Variants in AKAP11 observed in about 807,000 individuals in gnomAD.
AKAP11 encodes A-kinase anchoring protein 11, also known as A-kinase anchor protein 11.
Under a neutral mutation model 146.1 loss-of-function variants are expected in AKAP11, and 36 were observed. The observed-to-expected ratio is 0.25, with a 90% CI of 0.19 to 0.33. The LOEUF (loss-of-function observed/expected upper bound fraction) is 0.33, where lower values mean the gene tolerates loss of function less well. Among genes scored for constraint, AKAP11 ranks in the 10% least tolerant of loss-of-function variants. AKAP11 has a pLI of 1.00. For missense variants in AKAP11, 2,201 were observed against 2,197.0 expected, an observed-to-expected ratio of 1.00 and a Z score of -0.04; for synonymous variants, 780 against 786.5, an observed-to-expected ratio of 0.99 and a Z score of 0.14.
At chr13:42,289,437 A>G (rs1484395669) in intron 3 of AKAP11, among the ~76,000 whole-genome samples, 4 of 152,152 alleles carry the variant, frequency 2.6e-5, no homozygotes, top group African/African-American at 9.7e-5. Context: ...TTGCAGTTCT[A>G]TATTTTATAA....
rs1357860813 is a variant in AKAP11 at position 42,322,665 on chromosome 13, A to AT, written c.*3443dup. The AT allele has an allele frequency of 6.6e-6, 1 of 152,424 alleles. No individual in the cohort carries two copies. The highest frequency in any genetic ancestry group is 2.4e-5 in the African/African-American group (1 of 41,562). 9.4% of individuals were successfully genotyped at this position (152,424 alleles called of 1,614,324 possible). A position where few individuals can be genotyped will look rare whatever the true frequency, so the allele number is the denominator to read the frequency against. On this transcript the variant is annotated 3_prime_UTR_variant, in exon 13 of 13. Transcript: ENST00000025301. ...GAAAAATTATACTAAAGTGAGATGC[A>AT]TTTTTTCTCATTTTCAGCAAGACTC...
intron 6 of AKAP11, among the ~76,000 whole-genome samples, chr13:42,297,810 G>T (rs1029354356): frequency 6.6e-6 from 1 of 151,930 alleles, no homozygotes; most frequent in Non-Finnish European, 1.5e-5. Flanking sequence ...TAAAAAAACT[G>T]CTATGTTGTT....
intron 12 of AKAP11, among the ~76,000 whole-genome samples, chr13:42,318,621 G>A (rs950500429): frequency 2.6e-5 from 4 of 152,146 alleles, no homozygotes; most frequent in Admixed American, 2.6e-4. Context: ...AACTTAGAAA[G>A]CCATGTTTCC....
At chr13:42,273,563 T>C (rs1002337566) in intron 1 of AKAP11, among the ~76,000 whole-genome samples, 4 of 152,104 alleles carry the variant, frequency 2.6e-5, no homozygotes, top group Non-Finnish European at 5.9e-5. Flanking sequence ...TAGAGACTAA[T>C]GTATGTACCC....
At chr13:42,304,838 C>A (rs1960169038) in intron 8 of AKAP11, among the ~76,000 whole-genome samples, 1 of 151,782 alleles carries the variant, frequency 6.6e-6, no homozygotes, top group Non-Finnish European at 1.5e-5. Flanking sequence ...GCAACCTTTG[C>A]CTCCCGGGTT....
chr13:42,292,498 T>A lies in AKAP11; in HGVS notation c.165T>A (p.Thr55=), dbSNP rs1476223982. ...AGCAGGATGAGCATGCCAATTTAACTGAGGTTTAACATACTACTTTCTAAA... is the reference window on the plus strand; with the variant it reads ...AGCAGGATGAGCATGCCAATTTAACAGAGGTTTAACATACTACTTTCTAAA... ...CLQQDEHANL[T]EVTFLGFNEE... The change falls in exon 4 of 13, where the codon ACT becomes ACA. Residue 55 remains threonine (T), a synonymous_variant. Transcript: ENST00000025301. 1 of 1,560,338 alleles carries A rather than the reference T, an allele frequency of 6.4e-7. No homozygotes were observed. The highest frequency in any genetic ancestry group is 1.3e-5 in the African/African-American group (1 of 74,472).
chr13:42,283,018 C>T (rs1959095959), intron 1 of AKAP11, among the ~76,000 whole-genome samples: 1 of 152,128 alleles, frequency 6.6e-6, no homozygotes, highest in Non-Finnish European at 1.5e-5. Context: ...ACGATGTGCT[C>T]TCTAATTATA....
intron 1 of AKAP11, among the ~76,000 whole-genome samples, chr13:42,276,720 TGTTA>T (rs1248032528): frequency 1.2e-4 from 19 of 152,228 alleles, no homozygotes; most frequent in Admixed American, 3.9e-4. Context: ...TAATATACCC[TGTTA>T]GTTAATAGGT....
At chr13:42,295,929 A>C (rs148329211) in intron 5 of AKAP11, among the ~76,000 whole-genome samples, 187 bp downstream of exon 5, 81 of 152,332 alleles carry the variant, frequency 5.3e-4, no homozygotes, top group African/African-American at 1.9e-3. Context: ...TGACCTTAAC[A>C]GTAAAAATTC....
intron 1 of AKAP11, among the ~76,000 whole-genome samples, chr13:42,283,748 G>A (rs1214938515): frequency 1.3e-5 from 2 of 152,210 alleles, no homozygotes; most frequent in Admixed American, 1.3e-4. Flanking sequence ...CAGCTGCAAA[G>A]GTAATTGTTG....
At chr13:42,281,995 T>G (rs1019002260) in intron 1 of AKAP11, among the ~76,000 whole-genome samples, 1 of 151,430 alleles carries the variant, frequency 6.6e-6, no homozygotes, top group Non-Finnish European at 1.5e-5. Context: ...TTTTTTTTTT[T>G]TGAGACTCTG....
chr13:42,312,781 A>T (rs757409601), intron 9 of AKAP11, among the ~76,000 whole-genome samples: 1 of 152,206 alleles, frequency 6.6e-6, no homozygotes, highest in Admixed American at 6.5e-5. Context: ...TTGCTGTCCT[A>T]AAAGTCATTC....
rs1393923006 is a variant in AKAP11, at chr13:42,321,495, T to C, written c.*2267T>C. ...CAGTGCAGGGGCATAGAATAAAATA[T>C]TAAATATTGGCAGATGTATGAAAAG... On this transcript the variant is annotated 3_prime_UTR_variant, in exon 13 of 13. Transcript: ENST00000025301. 6.6e-6 allele frequency: 1 copy of C among 152,292 alleles called. No individual in the cohort carries two copies. The highest frequency in any genetic ancestry group is 1.5e-5 in the Non-Finnish European group (1 of 68,018). The allele number at this position is 152,292 out of a possible 1,614,324, so 9.4% of individuals were successfully genotyped here. A position where few individuals can be genotyped will look rare whatever the true frequency, so the allele number is the denominator to read the frequency against.
chr13:42,297,490 A>C (rs1959585940), intron 6 of AKAP11, among the ~76,000 whole-genome samples: 1 of 151,922 alleles, frequency 6.6e-6, no homozygotes, highest in Admixed American at 6.6e-5. Context: ...CCTTTGTATA[A>C]GCTACAGTGA....
In AKAP11 at chr13:42,303,626, A is replaced by C; in HGVS notation, c.4880A>C (p.Tyr1627Ser). Residue 1627 changes from tyrosine (Y) to serine (S), a missense_variant, in exon 8 of 13, where the codon TAT becomes TCT. By Grantham distance (144) the Tyr-to-Ser change is moderately radical (BLOSUM62 -2). Transcript: ENST00000025301. The part of the protein sequence containing the change: ...PASNPKFSSR[Y>S]QKSRIFHLSV... The stretch of plus-strand genomic sequence containing the variant: ...TCTAATCCAAAATTTAGCAGCCGCT[A>C]TCAGAAATCTAGGATTTTTCATCTC... The C allele has an allele frequency of 6.2e-7, 1 of 1,614,222 alleles. No homozygotes were observed. Among genetic ancestry groups the C allele is most frequent in the Non-Finnish European group, 8.5e-7 (1 of 1,180,028 alleles).
Position 42,301,600 on chromosome 13 carries a change from G to A in AKAP11, c.2854G>A (p.Asp952Asn). Residue 952 changes from aspartate to asparagine, a missense_variant, in exon 8 of 13, where the codon GAT (aspartate) becomes AAT (asparagine). By Grantham distance (23) the Asp-to-Asn change is conservative. This residue lies in a region of AKAP11 where 1,867 missense variants were observed against 1,833.5 expected (regional missense o/e 1.02). Transcript: ENST00000025301. ...TAAATCTATTATTAAACATTCCATA[G>A]ATAAGAGCAAATCAGTGATCCCAAA... is the stretch of plus-strand genomic sequence containing the variant. ...LSKSIIKHSI[D>N]KSKSVIPNID... 6.2e-7 allele frequency: 1 copy of A among 1,614,088 alleles called. No homozygotes were observed. The highest frequency in any genetic ancestry group is 1.7e-4 in the Middle Eastern group (1 of 6,060).
At chr13:42,293,184 C>T (rs147806469) in intron 4 of AKAP11, among the ~76,000 whole-genome samples, 5 of 152,222 alleles carry the variant, frequency 3.3e-5, no homozygotes, top group Non-Finnish European at 5.9e-5. Context: ...TTGAAATAAG[C>T]GTTCTAATAA....
intron 3 of AKAP11, among the ~76,000 whole-genome samples, chr13:42,288,963 C>A (rs1386126131): frequency 6.6e-6 from 1 of 152,128 alleles, no homozygotes; most frequent in African/African-American, 2.4e-5. Flanking sequence ...TCAGGTTTTC[C>A]CATGATCAGT....
At position 42,299,363 on chromosome 13, in the gene AKAP11, G is replaced by T. The variant is rs771313891; in HGVS notation, c.617G>T (p.Gly206Val). 1 of 1,591,738 alleles carries T rather than the reference G, an allele frequency of 6.3e-7. No homozygotes were observed. Among genetic ancestry groups the T allele is most frequent in the East Asian group, 2.2e-5 (1 of 44,670 alleles). Residue 206 changes from glycine to valine, a missense_variant and splice_region_variant, in exon 8 of 13, where the codon GGA becomes GTA. Around this residue, in one of 3 missense-constraint regions of AKAP11, gnomAD observed 331 missense variants for 347.4 expected, o/e 0.95. Coordinates refer to ENST00000025301, the MANE Select transcript of AKAP11 (RefSeq NM_016248.4). ...EEETSKPYND[G>V]MNITVLRSQC... Reference sequence around the variant, plus strand: ...TCACCATTTCATTCTTTTCCTATAGGAATGAACATTACTGTGCTAAGGAGC... The same window carrying T: ...TCACCATTTCATTCTTTTCCTATAGTAATGAACATTACTGTGCTAAGGAGC...
Sources: allele counts gnomAD v4.1 joint callset (sites outside exome capture counted in the v4.1 genomes callset), GRCh38; gene constraint gnomAD v4.1.1; regional missense constraint gnomAD v4.1.1; transcripts MANE v1.5; gene names NCBI Gene and HGNC (gene_info 2026-07-23, HGNC 2026-07-21).